The following BRAP variants were observed in gnomAD, a reference collection of about 807,000 sequenced individuals.
BRAP encodes the protein BRCA1-associated protein.
A neutral mutation model predicts 73.4 loss-of-function variants in BRAP; 42 were observed. That is an observed-to-expected ratio of 0.57 (90% confidence interval 0.45 to 0.74). BRAP has a LOEUF of 0.74. Among genes scored for constraint, BRAP ranks in the 30% least tolerant of loss-of-function variants. BRAP has a pLI of 0.00. For synonymous variants in BRAP, 255 were observed against 267.4 expected (o/e 0.95, Z 0.45); for missense variants, 593 against 751.4 (o/e 0.79, Z 2.46).
At chr12:111,655,012 C>T (rs1886472023) in intron 10 of BRAP, among the ~76,000 whole-genome samples, 1 of 152,164 alleles carries the variant, frequency 6.6e-6, no homozygotes. Context: ...CTGGGCCTTC[C>T]ATCTGAGTTT....
At chr12:111,669,567 T>A (rs966586582) in intron 5 of BRAP, among the ~76,000 whole-genome samples, 1 of 152,154 alleles carries the variant, frequency 6.6e-6, no homozygotes, top group Non-Finnish European at 1.5e-5. Context: ...TCTAAAAATA[T>A]ATGCAATTCT....
In BRAP at chr12:111,644,113, G is replaced by A; in HGVS notation, c.*86C>T. On this transcript the variant is annotated 3_prime_UTR_variant, in exon 12 of 12. Transcript: ENST00000419234. ...TTGATCCTCACTTGTACTTATTAGGGCCCACCCTCACATTTAGCTGAAGGT... is the reference window on the plus strand; with the variant it reads ...TTGATCCTCACTTGTACTTATTAGGACCCACCCTCACATTTAGCTGAAGGT... 2 of 1,512,582 alleles carry A rather than the reference G, an allele frequency of 1.3e-6. No individual in the cohort carries two copies. The highest frequency in any genetic ancestry group is 2.0e-5 in the Admixed American group (1 of 50,562). 93.7% of individuals were successfully genotyped at this position (1,512,582 alleles called of 1,614,324 possible).
chr12:111,679,631 T>A (rs1010680674), intron 3 of BRAP, among the ~76,000 whole-genome samples: 1 of 151,892 alleles, frequency 6.6e-6, no homozygotes, highest in Non-Finnish European at 1.5e-5. Flanking sequence ...ATCCCAGCAC[T>A]TTGGCAGGCC....
chr12:111,681,646 T>C lies in BRAP; in HGVS notation c.434A>G (p.Tyr145Cys), dbSNP rs1163897268. ...AAGAGGGTTTTCTTACTTTGTCTTA[T>C]ATAGGTGCATAATACCATGAACTAT... is the stretch of plus-strand genomic sequence containing the variant. The part of the protein sequence containing the change: ...VEIVHGIMHL[Y>C]KTNKMTSLKE... Residue 145 changes from tyrosine (Y) to cysteine (C), a missense_variant, in exon 3 of 12, where the codon TAT (tyrosine) becomes TGT (cysteine). Physicochemically the swap from Tyr to Cys is radical, Grantham distance 194 (BLOSUM62 -2). Around this residue, in one of 4 missense-constraint regions of BRAP, gnomAD observed 304 missense variants for 337.7 expected, o/e 0.90. Coordinates refer to ENST00000419234, the MANE Select transcript of BRAP (RefSeq NM_006768.5). 1 of 1,610,854 alleles carries C rather than the reference T, an allele frequency of 6.2e-7. No homozygotes were observed.
chr12:111,655,761 C>G, intron 9 of BRAP, 106 bp from the exon 10 acceptor site: 1 of 877,648 alleles, frequency 1.1e-6, no homozygotes, highest in Non-Finnish European at 1.8e-6. Context: ...CTAAAACTAA[C>G]CAACAGAATG....
At chr12:111,670,170 A>G in intron 5 of BRAP, 1 of 614,000 alleles carries the variant, frequency 1.6e-6, no homozygotes, top group South Asian at 1.4e-5. Context: ...GCAAATCCAA[A>G]CTTGGAGATC....
chr12:111,660,427 A>G (rs1234349545), intron 7 of BRAP, among the ~76,000 whole-genome samples, 173 bp downstream of exon 7: 1 of 152,044 alleles, frequency 6.6e-6, no homozygotes, highest in Non-Finnish European at 1.5e-5. Context: ...AAGTGGAAGG[A>G]CCGCTCGAGG....
In BRAP at chr12:111,650,158, T is replaced by C. The variant is rs1886263775; in HGVS notation, c.1312-116A>G. The C allele has an allele frequency of 9.1e-6, 5 of 548,010 alleles. No homozygotes were observed. The Admixed American group carries it at 1.2e-4, about 13-fold the overall frequency. The allele number at this position is 548,010 out of a possible 1,614,324, so 33.9% of individuals were successfully genotyped here. A position where few individuals can be genotyped will look rare whatever the true frequency, so the allele number is the denominator to read the frequency against. ...TGTATATAACTTTGACAAACCAAAA[T>C]TAGAGAAGGTGAGATATGGCAGTTT... On this transcript the variant is annotated intron_variant, in intron 10 of 11. Coordinates refer to ENST00000419234, the MANE Select transcript of BRAP (RefSeq NM_006768.5).
chr12:111,659,826 G>A (rs1307200679), intron 7 of BRAP, among the ~76,000 whole-genome samples: 3 of 152,086 alleles, frequency 2.0e-5, no homozygotes, highest in African/African-American at 4.8e-5. Context: ...AGACCAGCTT[G>A]GGCAACATAG....
intron 10 of BRAP, among the ~76,000 whole-genome samples, chr12:111,650,266 CT>C (rs902600495): frequency 2.0e-5 from 3 of 151,296 alleles, no homozygotes; most frequent in South Asian, 2.1e-4. Context: ...GCCGGGAAAT[CT>C]TTTTTTTTCT....
intron 1 of BRAP, chr12:111,685,498 C>T (rs1887784775): frequency 1.3e-5 from 15 of 1,188,058 alleles, no homozygotes; most frequent in East Asian, 6.3e-5. Flanking sequence ...TCAGACGGCA[C>T]AGGGAGGGAG....
At chr12:111,682,575 T>G (rs1887646232) in intron 2 of BRAP, among the ~76,000 whole-genome samples, 1 of 151,120 alleles carries the variant, frequency 6.6e-6, no homozygotes, top group Admixed American at 6.6e-5. Flanking sequence ...GACATGTTTA[T>G]TTGGACACAT....
At position 111,642,844 on chromosome 12, in the gene BRAP, G is replaced by A. The variant is rs915318271; in HGVS notation, c.*1355C>T. ...TGCTGCAGCACATCCCACAAAAACA[G>A]ATGGTGATTAGTGATACAGTTGATG... is the stretch of plus-strand genomic sequence containing the variant. On this transcript the variant is annotated 3_prime_UTR_variant, in exon 12 of 12. Coordinates refer to ENST00000419234, the MANE Select transcript of BRAP (RefSeq NM_006768.5). 6.6e-5 allele frequency: 10 copies of A among 152,176 alleles called. No individual in the cohort carries two copies. The highest frequency in any genetic ancestry group is 1.2e-4 in the Non-Finnish European group (8 of 68,024). 9.4% of individuals were successfully genotyped at this position (152,176 alleles called of 1,614,324 possible).
chr12:111,656,565 C>T (rs1376448318), intron 9 of BRAP, among the ~76,000 whole-genome samples: 1 of 152,118 alleles, frequency 6.6e-6, no homozygotes, highest in African/African-American at 2.4e-5. Context: ...TTGGAAAAAC[C>T]ATTCTAGAAG....
chr12:111,648,490 T>C (rs548238452), intron 11 of BRAP, among the ~76,000 whole-genome samples: 2 of 144,406 alleles, frequency 1.4e-5, no homozygotes, highest in African/African-American at 5.2e-5. Context: ...TGTGCTCCTG[T>C]AGTCTTAGCT....
At chr12:111,670,822 G>A (rs917616015) in intron 5 of BRAP, among the ~76,000 whole-genome samples, 4 of 152,124 alleles carry the variant, frequency 2.6e-5, no homozygotes, top group Non-Finnish European at 4.4e-5. Flanking sequence ...AAATCTGGCC[G>A]GGCGCGGTGG....
At chr12:111,672,428 G>T (rs1887213933) in intron 5 of BRAP, among the ~76,000 whole-genome samples, 1 of 151,776 alleles carries the variant, frequency 6.6e-6, no homozygotes, top group African/African-American at 2.4e-5. Flanking sequence ...ATATTCACAA[G>T]GTTGTGCAAC....
Position 111,685,653 on chromosome 12 carries a change from G to C in BRAP, c.82+58C>G, listed in dbSNP as rs1887796122. On this transcript the variant is annotated intron_variant, in intron 1 of 11. Transcript: ENST00000419234. Reference sequence around the variant, plus strand: ...TTTCCCGGGCCAGTGCTTTGGGAAGGGAAGCCCTCCGGGCCCAGACCCGGC... The same window carrying C: ...TTTCCCGGGCCAGTGCTTTGGGAAGCGAAGCCCTCCGGGCCCAGACCCGGC... 2.6e-6 allele frequency: 4 copies of C among 1,550,948 alleles called. No individual in the cohort carries two copies. In the African/African-American group the frequency reaches 5.5e-5, roughly 21 times the overall value.
At chr12:111,672,558 G>T in intron 5 of BRAP, 103 bp downstream of exon 5, 1 of 965,420 alleles carries the variant, frequency 1.0e-6, no homozygotes, top group Non-Finnish European at 1.5e-6. Flanking sequence ...TACTTTCTGT[G>T]TCTATGGACT....
Sources: gnomAD v4.1 joint callset for allele counts (sites outside exome capture counted in the v4.1 genomes callset) on GRCh38, gnomAD v4.1.1 for gene constraint, gnomAD v4.1.1 regional missense constraint, MANE v1.5 for transcripts, NCBI Gene and HGNC (gene_info 2026-07-23, HGNC 2026-07-21) for gene names.